Variants in PCSK2 observed in about 807,000 individuals in gnomAD.
PCSK2 encodes the protein neuroendocrine convertase 2.
Under a neutral mutation model 69.7 loss-of-function variants are expected in PCSK2, and 14 were observed. The observed-to-expected ratio is 0.20, with a 90% CI of 0.13 to 0.31. The LOEUF is 0.31. Ranked by LOEUF, PCSK2 falls within the 10% of genes least tolerant of loss-of-function variation. PCSK2 has a pLI of 1.00. For missense variants in PCSK2, 544 were observed against 842.5 expected (o/e 0.65, Z 4.39); for synonymous variants, 307 against 320.7 (o/e 0.96, Z 0.46).
intron 2 of PCSK2, among the ~76,000 whole-genome samples, chr20:17,333,710 G>A (rs895299832): frequency 2.0e-5 from 3 of 151,788 alleles, no homozygotes; most frequent in African/African-American, 7.3e-5. Context: ...AAACAGCCAG[G>A]GTTCAAATTC....
chr20:17,342,042 G>A (rs6105744), intron 2 of PCSK2, among the ~76,000 whole-genome samples: 25,171 of 152,170 alleles, frequency 0.17, 2,654 homozygotes, highest in East Asian at 0.5. Flanking sequence ...TTGTTTGTAT[G>A]AAGCACTATC....
chr20:17,280,130 T>C (rs548230016), intron 2 of PCSK2, among the ~76,000 whole-genome samples: 1 of 152,308 alleles, frequency 6.6e-6, no homozygotes, highest in African/African-American at 2.4e-5. Context: ...AAATAGAGAG[T>C]TTAATTTTTG....
intron 8 of PCSK2, among the ~76,000 whole-genome samples, chr20:17,450,235 A>C (rs1427367531): frequency 1.3e-5 from 2 of 151,102 alleles, no homozygotes; most frequent in Non-Finnish European, 3.0e-5. Flanking sequence ...TCACTGTGTT[A>C]GCCAGGATGG....
intron 2 of PCSK2, among the ~76,000 whole-genome samples, chr20:17,334,536 T>C (rs904052143): frequency 3.3e-5 from 5 of 151,952 alleles, no homozygotes; most frequent in African/African-American, 1.2e-4. Flanking sequence ...GGGCAATGAG[T>C]CCAGGGCCAC....
At chr20:17,334,265 C>T (rs1335057167) in intron 2 of PCSK2, among the ~76,000 whole-genome samples, 1 of 152,066 alleles carries the variant, frequency 6.6e-6, no homozygotes, top group African/African-American at 2.4e-5. Flanking sequence ...TCACTAGAGT[C>T]ATCAGAGTCA....
chr20:17,437,651 T>C (rs917966159), intron 8 of PCSK2, among the ~76,000 whole-genome samples: 1 of 152,190 alleles, frequency 6.6e-6, no homozygotes, highest in African/African-American at 2.4e-5. Context: ...TGCTCGGCAC[T>C]GAGAAGTGCC....
chr20:17,421,158 A>G (rs2032117568), intron 6 of PCSK2, among the ~76,000 whole-genome samples: 1 of 152,228 alleles, frequency 6.6e-6, no homozygotes. Context: ...GCTGATTGAA[A>G]AAGGAGTTAT....
intron 8 of PCSK2, among the ~76,000 whole-genome samples, chr20:17,449,295 C>G (rs1440170316): frequency 6.6e-6 from 1 of 152,156 alleles, no homozygotes; most frequent in African/African-American, 2.4e-5. Flanking sequence ...GCTCTTGGGT[C>G]ATGGCCTCCC....
At chr20:17,372,311 G>A (rs903561691) in intron 5 of PCSK2, among the ~76,000 whole-genome samples, 14 of 151,828 alleles carry the variant, frequency 9.2e-5, no homozygotes, top group African/African-American at 2.2e-4. Flanking sequence ...CCCAGGAGGC[G>A]GAGGTTGCAG....
chr20:17,462,210 G>A (rs1326544065), intron 10 of PCSK2, among the ~76,000 whole-genome samples: 1 of 151,662 alleles, frequency 6.6e-6, no homozygotes, highest in South Asian at 2.1e-4. Context: ...GAGGTTTGCT[G>A]CATACTGAAA....
intron 11 of PCSK2, among the ~76,000 whole-genome samples, chr20:17,471,914 A>G (rs1200193411): frequency 2.0e-5 from 3 of 152,248 alleles, no homozygotes; most frequent in African/African-American, 4.8e-5. Context: ...GCACAGAAAC[A>G]GCTTCCAAGG....
chr20:17,451,915 C>CT (rs34323701), intron 8 of PCSK2, among the ~76,000 whole-genome samples: 32,788 of 101,644 alleles, frequency 0.32, 6,492 homozygotes, highest in South Asian at 0.54. Context: ...TTGTACTTTG[C>CT]TTTTTTTTTT....
At chr20:17,421,765 T>C (rs1256931945) in intron 6 of PCSK2, among the ~76,000 whole-genome samples, 1 of 123,870 alleles carries the variant, frequency 8.1e-6, no homozygotes, top group Non-Finnish European at 1.6e-5. Context: ...AAGGAGTCAA[T>C]TGAAACAATC....
intron 2 of PCSK2, among the ~76,000 whole-genome samples, chr20:17,338,176 G>T (rs958121856): frequency 6.9e-6 from 1 of 145,624 alleles, no homozygotes; most frequent in Non-Finnish European, 1.5e-5. Context: ...TTTTTTGGGG[G>T]GGGGGGTTGT....
intron 5 of PCSK2, among the ~76,000 whole-genome samples, chr20:17,405,820 C>T (rs1358309360): frequency 6.6e-6 from 1 of 152,108 alleles, no homozygotes; most frequent in Non-Finnish European, 1.5e-5. Context: ...AGAACATGAG[C>T]CATCATCAGA....
intron 5 of PCSK2, 30 bp downstream of exon 5, chr20:17,369,307 C>T: frequency 6.3e-7 from 1 of 1,595,414 alleles, no homozygotes; most frequent in Non-Finnish European, 8.6e-7. Flanking sequence ...GGTGGGGAAA[C>T]AGATGCATCT....
intron 2 of PCSK2, among the ~76,000 whole-genome samples, chr20:17,349,588 T>A (rs1057360486): frequency 6.6e-6 from 1 of 151,620 alleles, no homozygotes; most frequent in Non-Finnish European, 1.5e-5. Context: ...TCAGCCCTAA[T>A]CCTGTGTCCC....
chr20:17,253,482 T>C (rs146755244), intron 1 of PCSK2, among the ~76,000 whole-genome samples: 17 of 152,360 alleles, frequency 1.1e-4, no homozygotes, highest in African/African-American at 4.1e-4. Flanking sequence ...CTGTCAGGCT[T>C]CTTTAACTTA....
chr20:17,335,857 GGTGT>G (rs3138653), intron 2 of PCSK2, among the ~76,000 whole-genome samples: 3,786 of 142,762 alleles, frequency 0.027, 136 homozygotes, highest in African/African-American at 0.088. Context: ...AGTAGTCCAT[GGTGT>G]GTGTGTGTGT....
Sources: gnomAD v4.1 joint callset for allele counts (sites outside exome capture counted in the v4.1 genomes callset) on GRCh38, gnomAD v4.1.1 for gene constraint, MANE v1.5 for transcripts, NCBI Gene and HGNC (gene_info 2026-07-23, HGNC 2026-07-21) for gene names.